The following DR1 variants were observed in gnomAD, a reference collection of about 807,000 sequenced individuals.
DR1 encodes protein Dr1.
A neutral mutation model predicts 19.9 loss-of-function variants in DR1; 7 were observed. The ratio of observed to expected loss-of-function variants is 0.35; its 90% CI spans 0.20 to 0.66. DR1 has a LOEUF of 0.66. DR1 is among the 30% of genes least tolerant of loss of function. The pLI, the probability that DR1 is intolerant of heterozygous loss-of-function variation, is 0.66. For missense variants in DR1, 98 were observed against 203.7 expected (o/e 0.48, Z 3.16); for synonymous variants, 76 against 72.5 (o/e 1.05, Z -0.24).
rs973634372 is a variant in DR1 at position 93,364,993 on chromosome 1, A to G, written c.*4354A>G. 2.0e-5 allele frequency: 3 copies of G among 151,620 alleles called. No homozygotes were observed. The highest frequency in any genetic ancestry group is 7.3e-5 in the African/African-American group (3 of 41,180). 9.4% of individuals were successfully genotyped at this position (151,620 alleles called of 1,614,324 possible). ...CTCAGCCTCCTGAGTAGCTGGGACTACAGGTGCCCGCTAGCACGCCCAGCT... is the reference window on the plus strand; with the variant it reads ...CTCAGCCTCCTGAGTAGCTGGGACTGCAGGTGCCCGCTAGCACGCCCAGCT... On this transcript the variant is annotated 3_prime_UTR_variant, in exon 3 of 3. Coordinates refer to ENST00000370272, the MANE Select transcript of DR1 (RefSeq NM_001938.3).
chr1:93,364,851 C>CTTTTTTTT lies in DR1; in HGVS notation c.*4225_*4232dup, dbSNP rs1185414953. The CTTTTTTTT allele has an allele frequency of 1.1e-4, 11 of 100,644 alleles. No individual in the cohort carries two copies. The highest frequency in any genetic ancestry group is 3.3e-4 in the African/African-American group (7 of 21,152). 6.2% of individuals were successfully genotyped at this position (100,644 alleles called of 1,614,324 possible). A position where few individuals can be genotyped will look rare whatever the true frequency, so the allele number is the denominator to read the frequency against. ...TTTTCTTTTTTCTTTTCTTTTCTTT[C>CTTTTTTTT]TTTTTTTTTTTTTTTTTTTTGAGAC... On this transcript the variant is annotated 3_prime_UTR_variant, in exon 3 of 3. Transcript: ENST00000370272.
At position 93,362,438 on chromosome 1, in the gene DR1, C is replaced by CTT. The variant is rs35736597; in HGVS notation, c.*1811_*1812dup. The CTT allele has an allele frequency of 0.014, 1,987 of 142,984 alleles. 23 individuals are homozygous for CTT. The highest frequency in any genetic ancestry group is 0.022 in the Non-Finnish European group (1,468 of 65,670). The allele number at this position is 142,984 out of a possible 1,614,324, so 8.9% of individuals were successfully genotyped here. A position where few individuals can be genotyped will look rare whatever the true frequency, so the allele number is the denominator to read the frequency against. Reference sequence around the variant, plus strand: ...TAAACAACTTAGATATTTTCCACACCTTTTTTTTTTTTTCTGATGCAGAGT... The same window carrying CTT: ...TAAACAACTTAGATATTTTCCACACCTTTTTTTTTTTTTTTCTGATGCAGAGT... On this transcript the variant is annotated 3_prime_UTR_variant, in exon 3 of 3. Coordinates refer to ENST00000370272, the MANE Select transcript of DR1 (RefSeq NM_001938.3).
Position 93,368,324 on chromosome 1 carries a change from A to G in DR1, c.*7685A>G, listed in dbSNP as rs1667190674. The G allele has an allele frequency of 6.6e-6, 1 of 152,244 alleles. No homozygotes were observed. The highest frequency in any genetic ancestry group is 1.5e-5 in the Non-Finnish European group (1 of 68,032). 9.4% of individuals were successfully genotyped at this position (152,244 alleles called of 1,614,324 possible). A position where few individuals can be genotyped will look rare whatever the true frequency, so the allele number is the denominator to read the frequency against. ...TATGTTTCTTGCCTTTGTATATTTT[A>G]TATGAATAGCACTTGTCACTAACAT... On this transcript the variant is annotated 3_prime_UTR_variant, in exon 3 of 3. Transcript: ENST00000370272.
chr1:93,353,839 T>C (rs1305665971), intron 1 of DR1, 69 bp from the exon 2 acceptor site: 8 of 1,307,498 alleles, frequency 6.1e-6, no homozygotes, highest in African/African-American at 6.0e-5. Flanking sequence ...ACAAAAACTT[T>C]AGGTCTACGG....
Position 93,346,689 on chromosome 1 carries a change from G to C in DR1, c.44G>C (p.Arg15Thr). 1 of 1,614,020 alleles carries C rather than the reference G, an allele frequency of 6.2e-7. No homozygotes were observed. Among genetic ancestry groups the C allele is most frequent in the Non-Finnish European group, 8.5e-7 (1 of 1,180,020 alleles). ...AACGATGATGATCTCACTATCCCCA[G>C]AGCTGCTATCAATAAAATGATCAAA... ...SGNDDDLTIP[R>T]AAINKMIKET... Residue 15 changes from arginine to threonine, a missense_variant, in exon 1 of 3, where the codon AGA becomes ACA. Arg to Thr is a moderately conservative substitution (Grantham distance 71). Transcript: ENST00000370272.
rs1245231455 is a variant in DR1, at chr1:93,364,236, G to A, written c.*3597G>A. On this transcript the variant is annotated 3_prime_UTR_variant, in exon 3 of 3. Transcript: ENST00000370272. ...AATTTCATATAACAGGAAAATAAGA[G>A]CAAAAGTAATTGCCCTTATTAACTG... The A allele has an allele frequency of 6.6e-6, 1 of 152,118 alleles. No individual in the cohort carries two copies. The highest frequency in any genetic ancestry group is 1.5e-5 in the Non-Finnish European group (1 of 68,012). The allele number at this position is 152,118 out of a possible 1,614,324, so 9.4% of individuals were successfully genotyped here. A position where few individuals can be genotyped will look rare whatever the true frequency, so the allele number is the denominator to read the frequency against.
chr1:93,358,753 C>T (rs1384989652), intron 2 of DR1, among the ~76,000 whole-genome samples: 1 of 152,160 alleles, frequency 6.6e-6, no homozygotes, highest in African/African-American at 2.4e-5. Flanking sequence ...CTCTTCCTGC[C>T]TTTTCAGCTC....
intron 1 of DR1, among the ~76,000 whole-genome samples, chr1:93,347,455 C>T (rs981450721): frequency 6.6e-6 from 1 of 152,126 alleles, no homozygotes; most frequent in African/African-American, 2.4e-5. Context: ...CCAAATAACT[C>T]CTGTTCCATT....
chr1:93,353,141 C>T lies in DR1; in HGVS notation c.221-767C>T, dbSNP rs115218926. Among the ~76,000 whole-genome samples the T allele has an allele frequency of 4.6e-3, 707 of 152,164 alleles. 2 individuals carry two copies. The highest frequency in any genetic ancestry group is 0.017 in the African/African-American group (688 of 41,516). On this transcript the variant is annotated intron_variant, in intron 1 of 2. Coordinates refer to ENST00000370272, the MANE Select transcript of DR1 (RefSeq NM_001938.3). ...AACTCCTGGACTAAAGGGATCCTCCCACCTTGGCCTCCCAAAGTACTGGAA... is the reference window on the plus strand; with the variant it reads ...AACTCCTGGACTAAAGGGATCCTCCTACCTTGGCCTCCCAAAGTACTGGAA...
chr1:93,353,769 A>G lies in DR1; in HGVS notation c.221-139A>G, dbSNP rs899506187. 2.3e-5 allele frequency: 14 copies of G among 616,564 alleles called. No individual in the cohort carries two copies. The South Asian group carries it at 4.5e-4, about 20-fold the overall frequency. 38.2% of individuals were successfully genotyped at this position (616,564 alleles called of 1,614,324 possible). ...CTGCCCAGACAGTTGTTGTACAACTATAAAATAGGTAAAATTATTAGAAAA... is the reference window on the plus strand; with the variant it reads ...CTGCCCAGACAGTTGTTGTACAACTGTAAAATAGGTAAAATTATTAGAAAA... On this transcript the variant is annotated intron_variant, in intron 1 of 2. Transcript: ENST00000370272.
Position 93,363,455 on chromosome 1 carries a change from C to T in DR1, c.*2816C>T, listed in dbSNP as rs1667081133. ...CATTAGGCCTAAATCAAAGTATCAG[C>T]AGGGTTGGCTCTTTATTGAGGTTGT... On this transcript the variant is annotated 3_prime_UTR_variant, in exon 3 of 3. Coordinates refer to ENST00000370272, the MANE Select transcript of DR1 (RefSeq NM_001938.3). The T allele has an allele frequency of 6.6e-6, 1 of 152,136 alleles. No homozygotes were observed. Among genetic ancestry groups the T allele is most frequent in the Non-Finnish European group, 1.5e-5 (1 of 68,028 alleles). 9.4% of individuals were successfully genotyped at this position (152,136 alleles called of 1,614,324 possible).
In DR1 at chr1:93,369,148, A is replaced by G. The variant is rs1421523179; in HGVS notation, c.*8509A>G. On this transcript the variant is annotated 3_prime_UTR_variant, in exon 3 of 3. Coordinates refer to ENST00000370272, the MANE Select transcript of DR1 (RefSeq NM_001938.3). ...CTGGCGGATACCAAGGGATGACTGT[A>G]ATATAATAACATCTAACAAGTGAAG... 6.6e-6 allele frequency: 1 copy of G among 152,162 alleles called. No homozygotes were observed. The highest frequency in any genetic ancestry group is 1.5e-5 in the Non-Finnish European group (1 of 68,004). The allele number at this position is 152,162 out of a possible 1,614,324, so 9.4% of individuals were successfully genotyped here. A position where few individuals can be genotyped will look rare whatever the true frequency, so the allele number is the denominator to read the frequency against.
At position 93,346,621 on chromosome 1, in the gene DR1, G is replaced by A; in HGVS notation, c.-25G>A. On this transcript the variant is annotated 5_prime_UTR_variant, in exon 1 of 3. Transcript: ENST00000370272. ...CAGAGCTGGGGAGTTTTTAAAAGCC[G>A]GGGCGCGAGAAACAGGAAGGTACTA... The A allele has an allele frequency of 6.2e-7, 1 of 1,604,638 alleles. No individual in the cohort carries two copies. The highest frequency in any genetic ancestry group is 1.7e-5 in the Admixed American group (1 of 59,912).
At chr1:93,357,279 C>T (rs1249457608) in intron 2 of DR1, among the ~76,000 whole-genome samples, 1 of 151,994 alleles carries the variant, frequency 6.6e-6, no homozygotes, top group Non-Finnish European at 1.5e-5. Flanking sequence ...TCCTCTTTGC[C>T]TTTAACCATA....
intron 2 of DR1, among the ~76,000 whole-genome samples, chr1:93,359,181 A>G (rs912485842): frequency 2.6e-5 from 4 of 152,226 alleles, no homozygotes; most frequent in African/African-American, 9.6e-5. Flanking sequence ...ATTAGAATTT[A>G]TATCTAGAAA....
Position 93,361,832 on chromosome 1 carries a change from A to T in DR1, c.*1193A>T, listed in dbSNP as rs1252985990. The T allele has an allele frequency of 6.6e-6, 1 of 152,572 alleles. No individual in the cohort carries two copies. The allele number at this position is 152,572 out of a possible 1,614,324, so 9.5% of individuals were successfully genotyped here. A position where few individuals can be genotyped will look rare whatever the true frequency, so the allele number is the denominator to read the frequency against. On this transcript the variant is annotated 3_prime_UTR_variant, in exon 3 of 3. Transcript: ENST00000370272. ...ATAACTTATCAGCCGTATATGGAACATAAATAGTTTCTACCTGCTTGTTAG... is the reference window on the plus strand; with the variant it reads ...ATAACTTATCAGCCGTATATGGAACTTAAATAGTTTCTACCTGCTTGTTAG...
intron 1 of DR1, among the ~76,000 whole-genome samples, chr1:93,351,555 C>T (rs1386554573): frequency 1.3e-5 from 2 of 151,082 alleles, no homozygotes; most frequent in Non-Finnish European, 1.5e-5. Context: ...CATGCCTTAG[C>T]CTCCTGAGTA....
chr1:93,359,719 G>A (rs1667031245), intron 2 of DR1, among the ~76,000 whole-genome samples: 1 of 152,134 alleles, frequency 6.6e-6, no homozygotes, highest in African/African-American at 2.4e-5. Context: ...AAATTGTGAA[G>A]GAGCCTTAGC....
rs983396612 is a variant in DR1, at chr1:93,366,835, T to G, written c.*6196T>G. The G allele has an allele frequency of 6.6e-6, 1 of 152,074 alleles. No homozygotes were observed. The highest frequency in any genetic ancestry group is 2.4e-5 in the African/African-American group (1 of 41,398). 9.4% of individuals were successfully genotyped at this position (152,074 alleles called of 1,614,324 possible). A position where few individuals can be genotyped will look rare whatever the true frequency, so the allele number is the denominator to read the frequency against. The stretch of plus-strand genomic sequence containing the variant: ...TGGGTAATATGGTGAAACCCGTCTC[T>G]ACAGAAAAATTCAAAAATTAGCCAG... On this transcript the variant is annotated 3_prime_UTR_variant, in exon 3 of 3. Transcript: ENST00000370272.
Sources: allele counts gnomAD v4.1 joint callset (sites outside exome capture counted in the v4.1 genomes callset), GRCh38; gene constraint gnomAD v4.1.1; transcripts MANE v1.5; gene names NCBI Gene and HGNC (gene_info 2026-07-23, HGNC 2026-07-21).